The following PHF21A variants were observed in gnomAD, a reference collection of about 807,000 sequenced individuals.
The protein encoded by PHF21A is BHC80a.
Under a neutral mutation model 82.5 loss-of-function variants are expected in PHF21A, and 11 were observed. The ratio of observed to expected loss-of-function variants is 0.13; its 90% CI spans 0.08 to 0.22. PHF21A has a LOEUF of 0.22. PHF21A is among the 10% of genes least tolerant of loss of function. The probability of loss-of-function intolerance (pLI) is 1.00; values close to 1 mark genes in which losing one functional copy is unlikely to be tolerated. For missense variants in PHF21A, 579 were observed against 837.8 expected, an observed-to-expected ratio of 0.69 and a Z score of 3.81; for synonymous variants, 297 against 302.8, an observed-to-expected ratio of 0.98 and a Z score of 0.20.
At chr11:46,077,063 A>G (rs2096734761) in intron 5 of PHF21A, among the ~76,000 whole-genome samples, 1 of 152,240 alleles carries the variant, frequency 6.6e-6, no homozygotes, top group Non-Finnish European at 1.5e-5. Flanking sequence ...ATGAAGTTTT[A>G]TATTTGAGCA....
intron 6 of PHF21A, among the ~76,000 whole-genome samples, chr11:46,030,830 C>CGTGTGTGTGTGTGTGT (rs71038879): frequency 1.4e-5 from 2 of 142,212 alleles, no homozygotes; most frequent in Non-Finnish European, 3.1e-5. Context: ...CGTGTGTGTG[C>CGTGTGTGTGTGTGTGT]GTGTGTGTGT....
At chr11:45,946,123 A>G in intron 14 of PHF21A, 120 bp from the exon 15 acceptor site, 2 of 1,611,860 alleles carry the variant, frequency 1.2e-6, no homozygotes, top group Non-Finnish European at 1.7e-6. Flanking sequence ...GAAGTGAGGT[A>G]GCAGACAGAA....
At chr11:46,029,008 C>G (rs932426634) in intron 6 of PHF21A, among the ~76,000 whole-genome samples, 2 of 152,184 alleles carry the variant, frequency 1.3e-5, no homozygotes, top group South Asian at 2.1e-4. Context: ...ACAAATTGTA[C>G]CACAAGTCTA....
chr11:45,958,449 T>TATATACACACACAC (rs780397923), intron 10 of PHF21A, among the ~76,000 whole-genome samples: 78 of 15,044 alleles, frequency 5.2e-3, no homozygotes, highest in Middle Eastern at 0.045. Flanking sequence ...TATATATATA[T>TATATACACACACAC]ACACACACAC....
chr11:46,034,516 T>C (rs2095947003), intron 6 of PHF21A, among the ~76,000 whole-genome samples: 1 of 152,180 alleles, frequency 6.6e-6, no homozygotes, highest in Non-Finnish European at 1.5e-5. Context: ...AAAAAACTGT[T>C]TTCTTTTAGT....
chr11:46,036,883 T>A (rs551315578), intron 6 of PHF21A, among the ~76,000 whole-genome samples: 34 of 152,124 alleles, frequency 2.2e-4, no homozygotes, highest in Middle Eastern at 3.4e-3. Flanking sequence ...TTAAAAAAAA[T>A]TTTTTTTGTA....
chr11:46,039,709 CA>C (rs1181911929), intron 6 of PHF21A, among the ~76,000 whole-genome samples: 2 of 152,104 alleles, frequency 1.3e-5, no homozygotes, highest in African/African-American at 4.8e-5. Context: ...GTAGTAAAGA[CA>C]AAAGGTCAAT....
rs1416932597 is a variant in PHF21A, at chr11:45,979,979, G to A, written c.154-13C>T. ...CAACTACTCTTTTCTACCAAATGAAGACAAAAAGAAATAAAAGATATTAGA... is the reference window on the plus strand; with the variant it reads ...CAACTACTCTTTTCTACCAAATGAAAACAAAAAGAAATAAAAGATATTAGA... On this transcript the variant is annotated splice_polypyrimidine_tract_variant and intron_variant, in intron 6 of 18. Transcript: ENST00000676320. 1.9e-6 allele frequency: 3 copies of A among 1,613,856 alleles called. No individual in the cohort carries two copies. The highest frequency in any genetic ancestry group is 2.5e-6 in the Non-Finnish European group (3 of 1,179,850).
At chr11:45,938,935 G>A (rs544306544) in intron 15 of PHF21A, among the ~76,000 whole-genome samples, 13 of 151,904 alleles carry the variant, frequency 8.6e-5, no homozygotes, top group South Asian at 6.2e-4. Context: ...CCAGGTTCAC[G>A]CCATTCTCCT....
chr11:46,003,470 T>C (rs1217126378), intron 6 of PHF21A, among the ~76,000 whole-genome samples: 3 of 152,018 alleles, frequency 2.0e-5, no homozygotes, highest in Non-Finnish European at 2.9e-5. Flanking sequence ...ATAGTACTAA[T>C]GACACTAAAA....
intron 18 of PHF21A, chr11:45,935,224 G>A (rs1048723403): frequency 3.1e-6 from 4 of 1,294,592 alleles, no homozygotes; most frequent in Non-Finnish European, 3.0e-6. Flanking sequence ...GGGCCGTACG[G>A]ATGGGCCCAC....
intron 6 of PHF21A, among the ~76,000 whole-genome samples, chr11:46,048,312 T>A (rs1031555342): frequency 6.6e-6 from 1 of 152,252 alleles, no homozygotes; most frequent in Non-Finnish European, 1.5e-5. Context: ...GATTCATCCA[T>A]GTTGTAGCAT....
At chr11:45,999,435 T>C (rs534185456) in intron 6 of PHF21A, among the ~76,000 whole-genome samples, 40 of 152,344 alleles carry the variant, frequency 2.6e-4, no homozygotes, top group Admixed American at 7.2e-4. Context: ...CCCAGTGAAA[T>C]AGCACATAGT....
intron 6 of PHF21A, among the ~76,000 whole-genome samples, chr11:46,035,103 T>A (rs936425036): frequency 1.6e-4 from 24 of 152,242 alleles, no homozygotes; most frequent in African/African-American, 5.8e-4. Flanking sequence ...CTCCTTTCTG[T>A]GATACCTTAA....
At chr11:46,002,125 T>A (rs1485982796) in intron 6 of PHF21A, among the ~76,000 whole-genome samples, 1 of 152,222 alleles carries the variant, frequency 6.6e-6, no homozygotes, top group Non-Finnish European at 1.5e-5. Flanking sequence ...AATGCTTTCA[T>A]TAAAATTTAG....
intron 6 of PHF21A, among the ~76,000 whole-genome samples, chr11:45,999,460 G>T (rs2136966467): frequency 6.6e-6 from 1 of 152,248 alleles, no homozygotes; most frequent in South Asian, 2.1e-4. Context: ...ACTTCCACCA[G>T]GTTCTATTCT....
intron 9 of PHF21A, among the ~76,000 whole-genome samples, chr11:45,966,057 C>G (rs746785799): frequency 1.3e-5 from 2 of 152,178 alleles, no homozygotes; most frequent in Non-Finnish European, 2.9e-5. Flanking sequence ...TGTGGGCTTA[C>G]TCTTCCTCTG....
intron 3 of PHF21A, among the ~76,000 whole-genome samples, chr11:46,088,927 A>G (rs1008735042): frequency 2.6e-5 from 4 of 152,060 alleles, no homozygotes; most frequent in Non-Finnish European, 4.4e-5. Flanking sequence ...GAAAGCTATA[A>G]CTCCAATTTT....
intron 6 of PHF21A, among the ~76,000 whole-genome samples, chr11:46,063,624 T>G (rs1395938113): frequency 6.6e-6 from 1 of 152,144 alleles, no homozygotes; most frequent in Non-Finnish European, 1.5e-5. Flanking sequence ...CTAATCAATT[T>G]CTCTTCAGAA....
Sources: allele counts gnomAD v4.1 joint callset (sites outside exome capture counted in the v4.1 genomes callset), GRCh38; gene constraint gnomAD v4.1.1; transcripts MANE v1.5; gene names NCBI Gene and HGNC (gene_info 2026-07-23, HGNC 2026-07-21).